The following CSMD1 variants were observed in gnomAD, a reference collection of about 807,000 sequenced individuals.
The protein encoded by CSMD1 is CUB and Sushi multiple domains 1, also known as CUB and sushi domain-containing protein 1.
CSMD1 carries 213 observed loss-of-function variants against 417.5 expected under a neutral mutation model. The ratio of observed to expected loss-of-function variants is 0.51; its 90% CI spans 0.46 to 0.57. The LOEUF is 0.57. CSMD1 is among the 20% of genes least tolerant of loss of function. The pLI is 0.00. For synonymous variants in CSMD1, 2,862 were observed against 1,736.8 expected (o/e 1.65, Z -16.11); for missense variants, 6,923 against 4,529.7 (o/e 1.53, Z -15.17).
chr8:4,255,107 A>C (rs188349577), intron 3 of CSMD1, among the ~76,000 whole-genome samples: 1 of 151,718 alleles, frequency 6.6e-6, no homozygotes, highest in African/African-American at 2.4e-5. Context: ...CGGTCTCTCT[A>C]CTTCTTCCTT....
At chr8:4,444,118 G>T (rs28659931) in intron 2 of CSMD1, among the ~76,000 whole-genome samples, 3 of 151,874 alleles carry the variant, frequency 2.0e-5, no homozygotes, top group Non-Finnish European at 2.9e-5. Context: ...GAGGCAGGTC[G>T]ATCACTTCAG....
intron 3 of CSMD1, among the ~76,000 whole-genome samples, chr8:4,036,371 C>T (rs2554564): frequency 0.91 from 138,422 of 152,204 alleles, 63,184 homozygotes; most frequent in East Asian, 0.98. Context: ...CATGGTACTG[C>T]GCAATGGTAT....
intron 26 of CSMD1, among the ~76,000 whole-genome samples, chr8:3,273,283 C>A (rs1802009262): frequency 1.3e-5 from 2 of 151,918 alleles, no homozygotes; most frequent in Admixed American, 1.3e-4. Flanking sequence ...GGATGAAGCC[C>A]ACTTGATCAT....
intron 2 of CSMD1, among the ~76,000 whole-genome samples, chr8:4,451,794 T>A (rs1799162426): frequency 6.6e-6 from 1 of 152,040 alleles, no homozygotes; most frequent in Non-Finnish European, 1.5e-5. Flanking sequence ...GGATCCACAA[T>A]GCCATCTTAA....
chr8:3,531,011 C>A (rs1014104936), intron 10 of CSMD1, among the ~76,000 whole-genome samples: 1 of 149,002 alleles, frequency 6.7e-6, no homozygotes, highest in Admixed American at 6.8e-5. Flanking sequence ...CACCACCATG[C>A]CCAGCTAATT....
chr8:3,720,963 C>A (rs1802130653), intron 6 of CSMD1, among the ~76,000 whole-genome samples: 1 of 151,828 alleles, frequency 6.6e-6, no homozygotes, highest in African/African-American at 2.4e-5. Flanking sequence ...TTACAGGCAC[C>A]CACCACTACA....
Position 3,091,589 on chromosome 8 carries a change from C to G in CSMD1, c.7212G>C (p.Arg2404Ser), listed in dbSNP as rs192637944. The G allele has an allele frequency of 3.5e-4, 571 of 1,611,378 alleles. 6 individuals carry two copies. In the African/African-American group the frequency reaches 7.3e-3, roughly 21 times the overall value. The stretch of plus-strand genomic sequence containing the variant: ...ACCAGCGGAGATATAACTGATTACT[C>G]CTGCTTGTAAAATTTGATTGTTCAG... ...NHTEQSNFTS[R>S]SNQLYLRWST... The change falls in exon 48 of 70, where the codon AGG (arginine) becomes AGC (serine). Residue 2404 changes from arginine to serine, a missense_variant. Coordinates refer to ENST00000635120, the MANE Select transcript of CSMD1 (RefSeq NM_033225.6).
chr8:3,954,820 G>C (rs1314136748), intron 5 of CSMD1, among the ~76,000 whole-genome samples: 1 of 152,132 alleles, frequency 6.6e-6, no homozygotes, highest in South Asian at 2.1e-4. Flanking sequence ...TCGGAAGCGA[G>C]CATGCGCAGT....
Position 4,156,617 on chromosome 8 carries a change from A to C in CSMD1, c.416-124518T>G, listed in dbSNP as rs1014693231. 5.9e-5 allele frequency among the ~76,000 whole-genome samples: 9 copies of C among 152,144 alleles called. No homozygotes were observed. In the East Asian group the frequency reaches 7.7e-4, roughly 13 times the overall value. On this transcript the variant is annotated intron_variant, in intron 3 of 69. Coordinates refer to ENST00000635120, the MANE Select transcript of CSMD1 (RefSeq NM_033225.6). ...TAGTGACAATATTAAAAACAATGGG[A>C]AACAGTAGTTTTTGCTATTTGGTGA... is the stretch of plus-strand genomic sequence containing the variant.
chr8:4,014,498 G>A (rs1041940254), intron 4 of CSMD1, among the ~76,000 whole-genome samples: 1 of 152,158 alleles, frequency 6.6e-6, no homozygotes, highest in East Asian at 1.9e-4. Flanking sequence ...TTCTTTTGAT[G>A]TCTGTTCCCC....
At chr8:4,158,362 G>A (rs926836763) in intron 3 of CSMD1, among the ~76,000 whole-genome samples, 4 of 151,854 alleles carry the variant, frequency 2.6e-5, no homozygotes, top group Non-Finnish European at 5.9e-5. Flanking sequence ...AAACCCGAAA[G>A]AAATAGTAAT....
chr8:3,738,464 T>C lies in CSMD1; in HGVS notation c.931+15466A>G, dbSNP rs543656548. On this transcript the variant is annotated intron_variant, in intron 6 of 69. Coordinates refer to ENST00000635120, the MANE Select transcript of CSMD1 (RefSeq NM_033225.6). ...GGGGGAAAATGACTTGAAGCTCATA[T>C]GTGCAGTGAATACATAATTTAAGTT... is the stretch of plus-strand genomic sequence containing the variant. Among the ~76,000 whole-genome samples the C allele has an allele frequency of 1.2e-4, 18 of 152,354 alleles. No individual in the cohort carries two copies. In the East Asian group the frequency reaches 3.5e-3, roughly 29 times the overall value.
intron 3 of CSMD1, among the ~76,000 whole-genome samples, chr8:4,300,750 G>C (rs1797941025): frequency 6.6e-6 from 1 of 152,126 alleles, no homozygotes; most frequent in Admixed American, 6.5e-5. Flanking sequence ...TGTTCTGGTT[G>C]TTCAATTCCT....
At chr8:4,006,122 T>C (rs1353284456) in intron 4 of CSMD1, among the ~76,000 whole-genome samples, 1 of 152,158 alleles carries the variant, frequency 6.6e-6, no homozygotes, top group Non-Finnish European at 1.5e-5. Flanking sequence ...GGAGACTTGA[T>C]ATTCACATAT....
At chr8:3,443,601 C>T (rs886921212) in intron 12 of CSMD1, among the ~76,000 whole-genome samples, 1 of 152,144 alleles carries the variant, frequency 6.6e-6, no homozygotes, top group South Asian at 2.1e-4. Flanking sequence ...AGAAGTGAGA[C>T]CTTCAAATTA....
At chr8:3,932,430 T>C (rs1441874700) in intron 5 of CSMD1, among the ~76,000 whole-genome samples, 1 of 150,380 alleles carries the variant, frequency 6.6e-6, no homozygotes, top group Non-Finnish European at 1.5e-5. Flanking sequence ...TCATGGTATT[T>C]CACTCTCATA....
chr8:3,683,634 T>C (rs575244870), intron 7 of CSMD1, among the ~76,000 whole-genome samples: 5 of 152,312 alleles, frequency 3.3e-5, no homozygotes, highest in African/African-American at 4.8e-5. Context: ...AACATGTGCA[T>C]ACTCTTTTAA....
chr8:4,854,987 G>A (rs549656667), intron 1 of CSMD1, among the ~76,000 whole-genome samples: 3 of 152,300 alleles, frequency 2.0e-5, no homozygotes, highest in Admixed American at 1.3e-4. Flanking sequence ...AAAGACATCA[G>A]TAACCTCTGC....
At chr8:3,073,458 C>T (rs1813446238) in intron 49 of CSMD1, among the ~76,000 whole-genome samples, 1 of 152,156 alleles carries the variant, frequency 6.6e-6, no homozygotes, top group Non-Finnish European at 1.5e-5. Flanking sequence ...GAGATCAACA[C>T]AGATTCACTC....
Sources: allele counts gnomAD v4.1 joint callset (sites outside exome capture counted in the v4.1 genomes callset), GRCh38; gene constraint gnomAD v4.1.1; transcripts MANE v1.5; gene names NCBI Gene and HGNC (gene_info 2026-07-23, HGNC 2026-07-21).